The following ALDH1L2 variants were observed in gnomAD, a reference collection of about 807,000 sequenced individuals.
ALDH1L2 encodes mitochondrial 10-formyltetrahydrofolate dehydrogenase.
A neutral mutation model predicts 111.0 loss-of-function variants in ALDH1L2; 91 were observed. That is an observed-to-expected ratio of 0.82 (90% CI 0.69 to 0.98). The LOEUF is 0.98. Ranked by LOEUF, ALDH1L2 falls within the 50% of genes least tolerant of loss-of-function variation. The pLI is 0.00. For missense variants in ALDH1L2, 995 were observed against 1,126.8 expected (o/e 0.88, Z 1.67); for synonymous variants, 374 against 392.6 (o/e 0.95, Z 0.56).
In ALDH1L2 at chr12:105,068,621, T is replaced by G. The variant is rs927772866; in HGVS notation, c.594+98A>C. 4.2e-6 allele frequency: 5 copies of G among 1,192,724 alleles called. No individual in the cohort carries two copies. In the African/African-American group the frequency reaches 8.0e-5, roughly 19 times the overall value. The allele number at this position is 1,192,724 out of a possible 1,614,324, so 73.9% of individuals were successfully genotyped here. The stretch of plus-strand genomic sequence containing the variant: ...CTAATTTTGTTTTTAAACTTTATAT[T>G]TTTGGTGAAAATTCATATGGATAAT... On this transcript the variant is annotated intron_variant, in intron 4 of 22. Coordinates refer to ENST00000258494, the MANE Select transcript of ALDH1L2 (RefSeq NM_001034173.4).
chr12:105,075,598 G>A (rs559112728), intron 1 of ALDH1L2, among the ~76,000 whole-genome samples: 2 of 151,634 alleles, frequency 1.3e-5, no homozygotes, highest in Non-Finnish European at 2.9e-5. Flanking sequence ...CCCCGCCCCC[G>A]CAAAAAAAGA....
chr12:105,077,003 A>G (rs1056521120), intron 1 of ALDH1L2, among the ~76,000 whole-genome samples: 4 of 152,240 alleles, frequency 2.6e-5, no homozygotes, highest in African/African-American at 9.6e-5. Flanking sequence ...TTACTTTAGC[A>G]GATGTGTTTC....
At chr12:105,040,541 A>G (rs1284663643) in intron 16 of ALDH1L2, 66 bp downstream of exon 16, 4 of 1,443,132 alleles carry the variant, frequency 2.8e-6, no homozygotes, top group Non-Finnish European at 3.9e-6. Context: ...CTAGAGGTAA[A>G]AGAGCCACTC....
intron 21 of ALDH1L2, 64 bp downstream of exon 21, chr12:105,030,260 T>C (rs1874627602): frequency 7.7e-7 from 1 of 1,296,684 alleles, no homozygotes; most frequent in African/African-American, 1.5e-5. Flanking sequence ...TATAGCACAG[T>C]GGCAAAGGGG....
intron 22 of ALDH1L2, among the ~76,000 whole-genome samples, chr12:105,025,429 C>T (rs1357169836): frequency 6.6e-6 from 1 of 152,190 alleles, no homozygotes; most frequent in Non-Finnish European, 1.5e-5. Context: ...TGGTCAAATA[C>T]ACTCTCTCAA....
At chr12:105,052,700 T>G in intron 11 of ALDH1L2, 112 bp downstream of exon 11, 1 of 1,327,180 alleles carries the variant, frequency 7.5e-7, no homozygotes. Flanking sequence ...GTGAAGTACT[T>G]AGAGGCAGAG....
intron 2 of ALDH1L2, 199 bp downstream of exon 2, chr12:105,073,662 A>G (rs1166022078): frequency 1.5e-6 from 1 of 660,068 alleles, no homozygotes; most frequent in Non-Finnish European, 2.4e-6. Context: ...AGTTCTGGCC[A>G]ATGGGATACA....
In ALDH1L2 at chr12:105,073,899, A is replaced by G. The variant is rs367839024; in HGVS notation, c.155T>C (p.Phe52Ser). 72 of 1,613,968 alleles carry G rather than the reference A, an allele frequency of 4.5e-5. No homozygotes were observed. The highest frequency in any genetic ancestry group is 5.2e-5 in the Non-Finnish European group (61 of 1,180,022). The change falls in exon 2 of 23, where the codon TTC becomes TCC. Residue 52 changes from phenylalanine (F) to serine (S), a missense_variant. Physicochemically the swap from Phe to Ser is radical, Grantham distance 155. Coordinates refer to ENST00000258494, the MANE Select transcript of ALDH1L2 (RefSeq NM_001034173.4). The part of the protein sequence containing the change: ...RKEGHRVVGV[F>S]TVPDKDGKAD... ...TTTTCCATCCTTGTCTGGAACTGTG[A>G]ACACCCCTACTACTCGGTGGCCCTC...
chr12:105,035,876 C>CATATATAT (rs1428797568), intron 18 of ALDH1L2, among the ~76,000 whole-genome samples: 2,824 of 118,902 alleles, frequency 0.024, 566 homozygotes, highest in East Asian at 0.058. Context: ...TATACACACA[C>CATATATAT]ACATATATAT....
At chr12:105,050,895 G>T (rs1176722050) in intron 12 of ALDH1L2, among the ~76,000 whole-genome samples, 3 of 152,098 alleles carry the variant, frequency 2.0e-5, no homozygotes, top group African/African-American at 4.8e-5. Context: ...ATGACACATG[G>T]GAATTATGGG....
intron 1 of ALDH1L2, among the ~76,000 whole-genome samples, chr12:105,078,972 G>A (rs907937342): frequency 6.6e-6 from 1 of 152,322 alleles, no homozygotes; most frequent in East Asian, 1.9e-4. Flanking sequence ...ATTATGGAGC[G>A]CTTTGTGTCA....
intron 18 of ALDH1L2, among the ~76,000 whole-genome samples, chr12:105,034,963 G>C (rs1405099850): frequency 6.6e-6 from 1 of 150,546 alleles, no homozygotes; most frequent in Admixed American, 6.6e-5. Context: ...CAGCCTGGGC[G>C]ACAGAGCTAG....
At chr12:105,083,288 G>A (rs1239490734) in intron 1 of ALDH1L2, among the ~76,000 whole-genome samples, 3 of 152,172 alleles carry the variant, frequency 2.0e-5, no homozygotes, top group Non-Finnish European at 4.4e-5. Context: ...GAGGGGTCCA[G>A]GAGAGCAGGC....
intron 15 of ALDH1L2, among the ~76,000 whole-genome samples, chr12:105,046,221 ATTTTTTTTTT>A (rs869078154): frequency 1.8e-3 from 39 of 21,776 alleles, no homozygotes; most frequent in South Asian, 7.0e-3. Context: ...ATATATATAT[ATTTTTTTTTT>A]TTTTTTTTTT....
In ALDH1L2 at chr12:105,070,628, A is replaced by G; in HGVS notation, c.370T>C (p.Ser124Pro). Residue 124 changes from serine to proline, a missense_variant, in exon 3 of 23, where the codon TCT becomes CCT. Coordinates refer to ENST00000258494, the MANE Select transcript of ALDH1L2 (RefSeq NM_001034173.4). ...MDIIDSPKHG[S>P]IIYHPSILPR... ...AGGATGGATGGGTGATAAATGATAG[A>G]GCCGTGCTTTGGACTATCAATTATA... 1.2e-6 allele frequency: 2 copies of G among 1,614,136 alleles called. No homozygotes were observed. The highest frequency in any genetic ancestry group is 1.1e-5 in the South Asian group (1 of 91,082).
At position 105,020,006 on chromosome 12, in the gene ALDH1L2, T is replaced by C. The variant is rs1200342760; in HGVS notation, c.*4418A>G. The C allele has an allele frequency of 6.6e-6, 1 of 152,210 alleles. No homozygotes were observed. The highest frequency in any genetic ancestry group is 1.5e-5 in the Non-Finnish European group (1 of 68,032). 9.4% of individuals were successfully genotyped at this position (152,210 alleles called of 1,614,324 possible). On this transcript the variant is annotated 3_prime_UTR_variant, in exon 23 of 23. Coordinates refer to ENST00000258494, the MANE Select transcript of ALDH1L2 (RefSeq NM_001034173.4). ...GTTGACTCAACAAATTATGGTTGAG[T>C]CAGTCTTACTTTCCTATTTTATAAA...
intron 22 of ALDH1L2, among the ~76,000 whole-genome samples, chr12:105,025,057 A>C (rs1240010782): frequency 6.6e-6 from 1 of 152,236 alleles, no homozygotes; most frequent in East Asian, 1.9e-4. Flanking sequence ...AAAAATAAAT[A>C]GGTCTGCCTT....
intron 10 of ALDH1L2, 142 bp downstream of exon 10, chr12:105,057,931 T>C: frequency 9.7e-7 from 1 of 1,028,292 alleles, no homozygotes; most frequent in South Asian, 2.4e-5. Context: ...AGGGGAATTT[T>C]ATGCCATCTG....
Position 105,030,427 on chromosome 12 carries a change from A to G in ALDH1L2, c.2413T>C (p.Phe805Leu), listed in dbSNP as rs1874638597. 3 of 1,603,546 alleles carry G rather than the reference A, an allele frequency of 1.9e-6. No homozygotes were observed. The highest frequency in any genetic ancestry group is 3.4e-5 in the Admixed American group (2 of 58,722). ...YGGRQVQRPGFFMEPTVFTDV... is the reference protein window; with the variant it reads ...YGGRQVQRPGLFMEPTVFTDV... ...GTGAACACGGTCGGCTCCATGAAAA[A>G]GCCTTTTTGGAAAAAACAAAGAAAA... The change falls in exon 21 of 23, where the codon TTT (phenylalanine) becomes CTT (leucine). Residue 805 changes from phenylalanine (F) to leucine (L), a missense_variant and splice_region_variant. Physicochemically the swap from Phe to Leu is conservative, Grantham distance 22 (BLOSUM62 0). Coordinates refer to ENST00000258494, the MANE Select transcript of ALDH1L2 (RefSeq NM_001034173.4).
Sources: allele counts gnomAD v4.1 joint callset (sites outside exome capture counted in the v4.1 genomes callset), GRCh38; gene constraint gnomAD v4.1.1; transcripts MANE v1.5; gene names NCBI Gene and HGNC (gene_info 2026-07-23, HGNC 2026-07-21).